Variants in CCSER1 observed in about 807,000 individuals in gnomAD.
CCSER1 encodes serine-rich coiled-coil domain-containing protein 1.
Under a neutral mutation model 82.0 loss-of-function variants are expected in CCSER1, and 41 were observed. The ratio of observed to expected loss-of-function variants is 0.50; its 90% CI spans 0.39 to 0.65. The LOEUF (loss-of-function observed/expected upper bound fraction) is 0.65. Ranked by LOEUF, CCSER1 falls within the 30% of genes least tolerant of loss-of-function variation. The probability of loss-of-function intolerance (pLI) is 0.00; values close to 1 mark genes in which losing one functional copy is unlikely to be tolerated. For missense variants in CCSER1, 1,119 were observed against 1,064.2 expected (o/e 1.05, Z -0.72); for synonymous variants, 414 against 383.9 (o/e 1.08, Z -0.92).
intron 3 of CCSER1, among the ~76,000 whole-genome samples, chr4:90,345,124 C>T (rs1161548561): frequency 6.6e-6 from 1 of 151,956 alleles, no homozygotes; most frequent in East Asian, 1.9e-4. Context: ...ATAATTTTAC[C>T]AATGATGATG....
chr4:90,791,600 C>T (rs1322431906), intron 7 of CCSER1, among the ~76,000 whole-genome samples: 2 of 152,066 alleles, frequency 1.3e-5, no homozygotes, highest in African/African-American at 2.4e-5. Context: ...CCTGTAATCC[C>T]AGCACTTTGG....
intron 5 of CCSER1, among the ~76,000 whole-genome samples, chr4:90,547,968 C>T (rs1776979227): frequency 2.0e-5 from 3 of 152,012 alleles, no homozygotes; most frequent in Admixed American, 2.0e-4. Flanking sequence ...TAAATAGGGC[C>T]ATCTTTTAGA....
At chr4:90,651,389 G>A (rs1171092914) in intron 6 of CCSER1, among the ~76,000 whole-genome samples, 2 of 152,110 alleles carry the variant, frequency 1.3e-5, no homozygotes, top group African/African-American at 2.4e-5. Flanking sequence ...TCCTTTGCCA[G>A]GGATATGGAT....
intron 10 of CCSER1, among the ~76,000 whole-genome samples, chr4:91,552,959 A>T (rs1762226879): frequency 6.6e-6 from 1 of 151,556 alleles, no homozygotes; most frequent in South Asian, 2.1e-4. Flanking sequence ...TGCTGATCTT[A>T]GAGGACAAGA....
intron 10 of CCSER1, among the ~76,000 whole-genome samples, chr4:91,437,268 G>A (rs1487430893): frequency 6.6e-6 from 1 of 152,140 alleles, no homozygotes; most frequent in African/African-American, 2.4e-5. Context: ...CATACCCTGG[G>A]GGAAGCATGT....
intron 9 of CCSER1, among the ~76,000 whole-genome samples, chr4:91,035,852 C>T (rs960797431): frequency 6.6e-6 from 1 of 152,126 alleles, no homozygotes; most frequent in African/African-American, 2.4e-5. Flanking sequence ...TCCTAAAACG[C>T]CACAAAATAA....
At chr4:90,156,694 A>G (rs1242106006) in intron 1 of CCSER1, among the ~76,000 whole-genome samples, 1 of 151,544 alleles carries the variant, frequency 6.6e-6, no homozygotes, top group Non-Finnish European at 1.5e-5. Flanking sequence ...TGGGATTGCA[A>G]CCCCTGCCTT....
At chr4:91,194,468 T>G (rs1474901942) in intron 10 of CCSER1, among the ~76,000 whole-genome samples, 21 of 152,148 alleles carry the variant, frequency 1.4e-4, no homozygotes, top group Admixed American at 1.2e-3. Context: ...AGTAGAAGAA[T>G]TTCAAATCTG....
chr4:91,176,752 A>ATG (rs1733418294), intron 10 of CCSER1, among the ~76,000 whole-genome samples: 1 of 152,144 alleles, frequency 6.6e-6, no homozygotes, highest in African/African-American at 2.4e-5. Flanking sequence ...ATATACAATC[A>ATG]TATCATCTGC....
chr4:90,208,527 G>A (rs992875242), intron 1 of CCSER1, among the ~76,000 whole-genome samples: 5 of 151,804 alleles, frequency 3.3e-5, no homozygotes, highest in African/African-American at 1.2e-4. Context: ...TTGTCTCGGT[G>A]GCATTCCAGG....
intron 9 of CCSER1, among the ~76,000 whole-genome samples, chr4:90,952,835 T>G (rs1462475518): frequency 6.6e-6 from 1 of 152,044 alleles, no homozygotes; most frequent in Non-Finnish European, 1.5e-5. Flanking sequence ...TTCTGCCCAC[T>G]CCCACTAGGC....
intron 3 of CCSER1, among the ~76,000 whole-genome samples, chr4:90,353,042 GT>G (rs1252434853): frequency 2.0e-5 from 3 of 152,110 alleles, no homozygotes; most frequent in African/African-American, 7.2e-5. Context: ...AGTGGAAGAT[GT>G]TATGAAAAAA....
intron 10 of CCSER1, among the ~76,000 whole-genome samples, chr4:91,483,074 C>A (rs1256305110): frequency 6.6e-6 from 1 of 150,910 alleles, no homozygotes; most frequent in Admixed American, 6.6e-5. Context: ...GCATATGTAC[C>A]CTAGAACTTA....
intron 6 of CCSER1, 41 bp downstream of exon 6, chr4:90,628,273 A>AAG: frequency 6.7e-7 from 1 of 1,494,054 alleles, no homozygotes; most frequent in Non-Finnish European, 9.3e-7. Flanking sequence ...CAGTGCTGGT[A>AAG]GACAATGAAG....
chr4:90,745,460 C>T (rs1023317326), intron 7 of CCSER1, among the ~76,000 whole-genome samples: 1 of 152,070 alleles, frequency 6.6e-6, no homozygotes, highest in African/African-American at 2.4e-5. Flanking sequence ...TCGAATGGGG[C>T]GGGAAGCGTT....
intron 1 of CCSER1, among the ~76,000 whole-genome samples, chr4:90,281,420 C>G (rs1358586856): frequency 6.6e-6 from 1 of 151,958 alleles, no homozygotes; most frequent in Non-Finnish European, 1.5e-5. Flanking sequence ...ATAATATGTA[C>G]AGCAAACCCC....
intron 6 of CCSER1, among the ~76,000 whole-genome samples, chr4:90,637,362 T>C (rs1035985046): frequency 6.6e-6 from 1 of 152,186 alleles, no homozygotes; most frequent in African/African-American, 2.4e-5. Context: ...AAATGCACAA[T>C]GTCTTTTGTA....
At chr4:90,271,890 T>TTTTTTTAA (rs1553982851) in intron 1 of CCSER1, among the ~76,000 whole-genome samples, 1 of 70,102 alleles carries the variant, frequency 1.4e-5, no homozygotes, top group Non-Finnish European at 2.7e-5. Flanking sequence ...TTTTTTTTTT[T>TTTTTTTAA]AAAAGGAGGT....
intron 10 of CCSER1, among the ~76,000 whole-genome samples, chr4:91,247,597 G>T (rs1739897239): frequency 6.6e-6 from 1 of 152,038 alleles, no homozygotes; most frequent in Non-Finnish European, 1.5e-5. Context: ...GGCCGGGCAT[G>T]GTGGCTCATG....
Sources: allele counts gnomAD v4.1 joint callset (sites outside exome capture counted in the v4.1 genomes callset), GRCh38; gene constraint gnomAD v4.1.1; transcripts MANE v1.5; gene names NCBI Gene and HGNC (gene_info 2026-07-23, HGNC 2026-07-21).